SPOCK1: variants seen among roughly 807,000 people sequenced by gnomAD.
SPOCK1 encodes the protein SPARC (osteonectin), cwcv and kazal like domains proteoglycan 1, also known as testican-1.
A neutral mutation model predicts 55.3 loss-of-function variants in SPOCK1; 23 were observed. The ratio of observed to expected loss-of-function variants is 0.42; its 90% CI spans 0.30 to 0.59. The LOEUF is 0.59. SPOCK1 is among the 20% of genes least tolerant of loss of function. SPOCK1 has a pLI of 0.22. For missense variants in SPOCK1, 499 were observed against 552.5 expected, an observed-to-expected ratio of 0.90 and a Z score of 0.97; for synonymous variants, 226 against 221.0, an observed-to-expected ratio of 1.02 and a Z score of -0.20.
intron 3 of SPOCK1, among the ~76,000 whole-genome samples, chr5:137,250,712 G>A (rs1460405662): frequency 1.3e-5 from 2 of 152,126 alleles, no homozygotes; most frequent in African/African-American, 2.4e-5. Flanking sequence ...ATTATGCTAC[G>A]GAGAAAGGAA....
chr5:137,449,482 G>A (rs1207870491), intron 2 of SPOCK1, among the ~76,000 whole-genome samples: 2 of 152,158 alleles, frequency 1.3e-5, no homozygotes, highest in African/African-American at 2.4e-5. Flanking sequence ...AGCAAAGAGA[G>A]GCAGCATCAC....
chr5:136,999,930 T>C lies in SPOCK1; in HGVS notation c.590-7330A>G, dbSNP rs1467182747. Among the ~76,000 whole-genome samples the C allele has an allele frequency of 2.1e-4, 32 of 152,112 alleles. 2 individuals carry two copies. Among genetic ancestry groups the C allele is most frequent in the Admixed American group, 2.0e-3 (31 of 15,282 alleles). On this transcript the variant is annotated intron_variant, in intron 6 of 10. Transcript: ENST00000394945. The stretch of plus-strand genomic sequence containing the variant: ...TGGTATATTCTTGTAATGCATGAAA[T>C]CTTTCAGCTAAAGAACCAAAGGATA...
intron 2 of SPOCK1, among the ~76,000 whole-genome samples, chr5:137,444,817 G>A (rs1464310004): frequency 6.6e-6 from 1 of 152,196 alleles, no homozygotes; most frequent in East Asian, 1.9e-4. Flanking sequence ...ATCACCCTCT[G>A]CTGACCATTC....
chr5:137,255,892 C>T (rs1180883859), intron 3 of SPOCK1, among the ~76,000 whole-genome samples: 1 of 152,178 alleles, frequency 6.6e-6, no homozygotes, highest in African/African-American at 2.4e-5. Context: ...CATTTTCCAC[C>T]TTCTCTAGCC....
At chr5:137,469,244 C>T (rs1010936425) in intron 2 of SPOCK1, among the ~76,000 whole-genome samples, 1 of 152,192 alleles carries the variant, frequency 6.6e-6, no homozygotes, top group Non-Finnish European at 1.5e-5. Context: ...GATTTCATTG[C>T]TTGCCCTCAA....
intron 3 of SPOCK1, among the ~76,000 whole-genome samples, chr5:137,173,948 A>G (rs1754804219): frequency 2.0e-5 from 3 of 152,212 alleles, no homozygotes; most frequent in Non-Finnish European, 4.4e-5. Flanking sequence ...CCATTTTATA[A>G]TAAAAGGGAT....
At chr5:137,126,094 C>A (rs1445578124) in intron 4 of SPOCK1, among the ~76,000 whole-genome samples, 22 of 152,200 alleles carry the variant, frequency 1.4e-4, no homozygotes, top group Admixed American at 1.4e-3. Flanking sequence ...TGGAGCAAAT[C>A]CCTCATGAAT....
Position 137,229,088 on chromosome 5 carries a change from A to C in SPOCK1, c.232+37922T>G, listed in dbSNP as rs115955357. Among the ~76,000 whole-genome samples the C allele has an allele frequency of 6.1e-3, 926 of 152,292 alleles. 4 individuals carry two copies. Among genetic ancestry groups the C allele is most frequent in the Middle Eastern group, 0.014 (4 of 294 alleles). On this transcript the variant is annotated intron_variant, in intron 3 of 10. Coordinates refer to ENST00000394945, the MANE Select transcript of SPOCK1 (RefSeq NM_004598.4). ...GTCAGACTGCAGCTGCTCCTGGAAA[A>C]GCATCATCCCCAGTAGACATACAAT...
At chr5:137,122,137 G>A (rs1181910873) in intron 4 of SPOCK1, among the ~76,000 whole-genome samples, 2 of 151,816 alleles carry the variant, frequency 1.3e-5, no homozygotes, top group African/African-American at 4.8e-5. Flanking sequence ...AGCACACCCA[G>A]TAACACTAAG....
chr5:137,026,117 G>C (rs1396079629), intron 6 of SPOCK1, among the ~76,000 whole-genome samples: 1 of 152,226 alleles, frequency 6.6e-6, no homozygotes, highest in Admixed American at 6.5e-5. Flanking sequence ...CATAGGGATG[G>C]AGGAGGACCA....
intron 2 of SPOCK1, among the ~76,000 whole-genome samples, chr5:137,285,328 T>C (rs1757241607): frequency 6.6e-6 from 1 of 152,218 alleles, no homozygotes; most frequent in African/African-American, 2.4e-5. Context: ...CACAGATCTT[T>C]TGTGTTATTA....
intron 6 of SPOCK1, among the ~76,000 whole-genome samples, chr5:137,064,904 A>T (rs1218851477): frequency 6.6e-6 from 1 of 152,200 alleles, no homozygotes; most frequent in Non-Finnish European, 1.5e-5. Flanking sequence ...ATGTGTTCTT[A>T]TCCTGTAGGA....
chr5:137,284,756 T>C lies in SPOCK1; in HGVS notation c.187-17701A>G, dbSNP rs1055818623. On this transcript the variant is annotated intron_variant, in intron 2 of 10. Transcript: ENST00000394945. ...CTTTAGTGAATTCCACTGGGCGCAC[T>C]AACACCTGTGTGCAAATGACTCCTC... is the stretch of plus-strand genomic sequence containing the variant. Among the ~76,000 whole-genome samples, 6 of 152,140 alleles carry C rather than the reference T, an allele frequency of 3.9e-5. No individual in the cohort carries two copies. In the East Asian group the frequency reaches 5.8e-4, roughly 15 times the overall value.
At chr5:137,040,203 G>A (rs372649177) in intron 6 of SPOCK1, among the ~76,000 whole-genome samples, 8 of 152,226 alleles carry the variant, frequency 5.3e-5, no homozygotes, top group East Asian at 3.8e-4. Flanking sequence ...TTAGTTTCCA[G>A]CTGAAGTGGG....
intron 3 of SPOCK1, among the ~76,000 whole-genome samples, chr5:137,148,012 G>A (rs1191849164): frequency 3.9e-5 from 6 of 152,180 alleles, no homozygotes; most frequent in African/African-American, 1.2e-4. Flanking sequence ...TCTTCCAAAA[G>A]AAGCGCCTTT....
intron 3 of SPOCK1, among the ~76,000 whole-genome samples, chr5:137,217,753 T>C (rs564620822): frequency 2.6e-5 from 4 of 152,310 alleles, no homozygotes; most frequent in Admixed American, 2.6e-4. Flanking sequence ...GACTCAGTCA[T>C]AGCAATCTTT....
At chr5:137,160,579 T>A (rs1284012483) in intron 3 of SPOCK1, among the ~76,000 whole-genome samples, 134 of 60,076 alleles carry the variant, frequency 2.2e-3, no homozygotes, top group African/African-American at 6.5e-3. Context: ...TATTATATAA[T>A]ATATATAATA....
intron 2 of SPOCK1, among the ~76,000 whole-genome samples, chr5:137,372,438 T>A (rs1173858389): frequency 6.6e-6 from 1 of 152,218 alleles, no homozygotes; most frequent in Non-Finnish European, 1.5e-5. Flanking sequence ...AGGAGACACC[T>A]GCACTGTAAC....
intron 5 of SPOCK1, among the ~76,000 whole-genome samples, chr5:137,096,684 T>A (rs1753152691): frequency 6.6e-6 from 1 of 152,262 alleles, no homozygotes; most frequent in Non-Finnish European, 1.5e-5. Flanking sequence ...TTGCACTCAT[T>A]TGCCAAGGCA....
Sources: allele counts gnomAD v4.1 joint callset (sites outside exome capture counted in the v4.1 genomes callset), GRCh38; gene constraint gnomAD v4.1.1; transcripts MANE v1.5; gene names NCBI Gene and HGNC (gene_info 2026-07-23, HGNC 2026-07-21).